Variants in ADGRL4 observed in about 807,000 individuals in gnomAD.
ADGRL4 encodes adhesion G protein-coupled receptor L4, also known as EGF, latrophilin and seven transmembrane domain containing 1.
Under a neutral mutation model 74.8 loss-of-function variants are expected in ADGRL4, and 90 were observed. The ratio of observed to expected loss-of-function variants is 1.20; its 90% CI spans 1.02 to 1.43. ADGRL4 has a LOEUF of 1.43. Among genes scored for constraint, ADGRL4 ranks in the 40% most tolerant of loss-of-function variants. ADGRL4 has a pLI of 0.00. For synonymous variants in ADGRL4, 311 were observed against 279.2 expected (o/e 1.11, Z -1.14); for missense variants, 881 against 814.3 (o/e 1.08, Z -1.00).
Position 78,917,841 on chromosome 1 carries a change from G to A in ADGRL4, c.1671C>T (p.Gly557=). 8 of 1,612,216 alleles carry A rather than the reference G, an allele frequency of 5.0e-6. No homozygotes were observed. The Middle Eastern group carries it at 9.9e-4, about 200-fold the overall frequency. Residue 557 remains glycine (G), a synonymous_variant, in exon 11 of 15, where the codon GGC becomes GGT. Transcript: ENST00000370742. The part of the protein sequence containing the change: ...FSAALGYRYY[G]TTKVCWLSTE... ...TCATTTTAACTTACACTTTGGTTGT[G>A]CCATAATATCTGTATCCTAGTGCTG...
chr1:78,925,944 G>A (rs910284652), intron 8 of ADGRL4, among the ~76,000 whole-genome samples: 2 of 151,952 alleles, frequency 1.3e-5, no homozygotes, highest in African/African-American at 2.4e-5. Context: ...TCTAAGTTTG[G>A]TTTCCAGTCT....
intron 8 of ADGRL4, among the ~76,000 whole-genome samples, chr1:78,926,219 G>A (rs570477271): frequency 1.8e-4 from 27 of 152,140 alleles, no homozygotes; most frequent in African/African-American, 6.5e-4. Flanking sequence ...TCATGTACTA[G>A]AACTGAAATT....
At chr1:78,964,489 T>C (rs1650016277) in intron 2 of ADGRL4, among the ~76,000 whole-genome samples, 2 of 152,214 alleles carry the variant, frequency 1.3e-5, no homozygotes, top group South Asian at 2.1e-4. Flanking sequence ...GCAAGGGCAC[T>C]GTAGGCAGCT....
chr1:78,989,906 C>T (rs1392547480), intron 2 of ADGRL4, among the ~76,000 whole-genome samples: 1 of 151,834 alleles, frequency 6.6e-6, no homozygotes, highest in African/African-American at 2.4e-5. Context: ...GATGTAGAAA[C>T]TGGTAGATGC....
At chr1:78,891,787 A>G (rs1648280504) in intron 13 of ADGRL4, 95 bp from the exon 14 acceptor site, 2 of 1,093,670 alleles carry the variant, frequency 1.8e-6, no homozygotes, top group East Asian at 5.1e-5. Context: ...AGTTTTCAGT[A>G]TAACCAAGAA....
intron 2 of ADGRL4, among the ~76,000 whole-genome samples, chr1:78,972,533 A>G (rs1196057305): frequency 9.9e-5 from 15 of 152,180 alleles, no homozygotes; most frequent in Non-Finnish European, 8.8e-5. Context: ...TTATAATTTA[A>G]GTACTGTACA....
chr1:78,954,698 C>A (rs1315877554), intron 2 of ADGRL4, among the ~76,000 whole-genome samples: 2 of 152,040 alleles, frequency 1.3e-5, no homozygotes, highest in African/African-American at 2.4e-5. Flanking sequence ...TTAAAAGACA[C>A]AGAAGCACAT....
chr1:79,001,179 G>C (rs1231407449), intron 2 of ADGRL4, among the ~76,000 whole-genome samples: 1 of 95,374 alleles, frequency 1.0e-5, no homozygotes, highest in Non-Finnish European at 2.3e-5. Context: ...AGGGAGAGGG[G>C]GGGGAGGGAG....
chr1:78,993,934 C>A (rs928459993), intron 2 of ADGRL4, among the ~76,000 whole-genome samples: 5 of 152,060 alleles, frequency 3.3e-5, no homozygotes, highest in African/African-American at 1.2e-4. Flanking sequence ...GTGAAAAAAT[C>A]AAAATCATAT....
chr1:78,926,860 CA>C, intron 8 of ADGRL4, 25 bp downstream of exon 8: 4 of 1,537,584 alleles, frequency 2.6e-6, no homozygotes, highest in Non-Finnish European at 2.7e-6. Flanking sequence ...CAATCATAGC[CA>C]ATAACTACCA....
intron 2 of ADGRL4, among the ~76,000 whole-genome samples, chr1:78,978,861 T>A (rs1650345247): frequency 6.6e-6 from 1 of 151,970 alleles, no homozygotes; most frequent in Non-Finnish European, 1.5e-5. Context: ...CCAAAGATCT[T>A]ATCTTTTTTT....
At chr1:78,952,846 T>A (rs959844764) in intron 2 of ADGRL4, among the ~76,000 whole-genome samples, 2 of 152,144 alleles carry the variant, frequency 1.3e-5, no homozygotes, top group Non-Finnish European at 1.5e-5. Context: ...ATTTCAAAAT[T>A]TTTTTGAAGG....
chr1:78,948,883 T>C (rs561153472), intron 2 of ADGRL4, among the ~76,000 whole-genome samples: 1 of 152,182 alleles, frequency 6.6e-6, no homozygotes, highest in South Asian at 2.1e-4. Flanking sequence ...GGGAAATAAG[T>C]AAAAATTAAT....
At chr1:78,925,308 T>C (rs1012187653) in intron 8 of ADGRL4, among the ~76,000 whole-genome samples, 2 of 152,062 alleles carry the variant, frequency 1.3e-5, no homozygotes, top group African/African-American at 4.8e-5. Context: ...GTAATAATAG[T>C]ATGTACCTCA....
chr1:78,972,569 C>A (rs1570264474), intron 2 of ADGRL4, among the ~76,000 whole-genome samples: 1 of 152,134 alleles, frequency 6.6e-6, no homozygotes, highest in Non-Finnish European at 1.5e-5. Flanking sequence ...CACTGATATG[C>A]ATTTGTTGAA....
At chr1:78,896,877 C>T (rs1225575461) in intron 12 of ADGRL4, among the ~76,000 whole-genome samples, 1 of 152,026 alleles carries the variant, frequency 6.6e-6, no homozygotes, top group African/African-American at 2.4e-5. Flanking sequence ...ATCTTTTGAC[C>T]ACTTCACTCC....
chr1:78,920,837 T>G (rs1275769580), intron 9 of ADGRL4, among the ~76,000 whole-genome samples: 1 of 151,892 alleles, frequency 6.6e-6, no homozygotes, highest in African/African-American at 2.4e-5. Context: ...GATTATCAAG[T>G]AATATTGTTC....
At chr1:78,976,374 T>C (rs1273105085) in intron 2 of ADGRL4, among the ~76,000 whole-genome samples, 1 of 151,920 alleles carries the variant, frequency 6.6e-6, no homozygotes, top group Non-Finnish European at 1.5e-5. Flanking sequence ...TTTAATAGAA[T>C]TGGGCTTCAG....
chr1:78,970,788 C>G (rs1650152583), intron 2 of ADGRL4, among the ~76,000 whole-genome samples: 3 of 152,150 alleles, frequency 2.0e-5, no homozygotes, highest in Admixed American at 2.0e-4. Flanking sequence ...GCAATTGTGT[C>G]TCAGTACTAT....
Sources: gnomAD v4.1 joint callset for allele counts (sites outside exome capture counted in the v4.1 genomes callset) on GRCh38, gnomAD v4.1.1 for gene constraint, MANE v1.5 for transcripts, NCBI Gene and HGNC (gene_info 2026-07-23, HGNC 2026-07-21) for gene names.